TRHDE: variants seen among roughly 807,000 people sequenced by gnomAD.
TRHDE encodes thyrotropin releasing hormone degrading enzyme.
A neutral mutation model predicts 125.7 loss-of-function variants in TRHDE; 72 were observed. The ratio of observed to expected loss-of-function variants is 0.57; its 90% CI spans 0.47 to 0.70. The LOEUF is 0.70. Among genes scored for constraint, TRHDE ranks in the 30% least tolerant of loss-of-function variants. The probability of loss-of-function intolerance (pLI) is 0.00; values close to 1 mark genes in which losing one functional copy is unlikely to be tolerated. For synonymous variants in TRHDE, 509 were observed against 509.1 expected (o/e 1.00, Z 0.00); for missense variants, 1,110 against 1,327.1 (o/e 0.84, Z 2.54).
chr12:72,240,305 T>TTATATATATATATATATA (rs56969276), intron 2 of TRHDE, among the ~76,000 whole-genome samples: 5 of 111,348 alleles, frequency 4.5e-5, no homozygotes, highest in Admixed American at 9.3e-5. Flanking sequence ...TTCTCACATT[T>TTATATATATATATATATA]TATATATATA....
At chr12:72,640,151 G>T (rs1370808077) in intron 15 of TRHDE, among the ~76,000 whole-genome samples, 4 of 152,218 alleles carry the variant, frequency 2.6e-5, no homozygotes, top group African/African-American at 4.8e-5. Flanking sequence ...CTAGCAATCA[G>T]CGAGACTCCG....
intron 2 of TRHDE, among the ~76,000 whole-genome samples, chr12:72,237,143 TA>T (rs1267536780): frequency 6.6e-6 from 1 of 152,112 alleles, no homozygotes; most frequent in East Asian, 1.9e-4. Flanking sequence ...AAGAAGGAAA[TA>T]AATCAGCTTG....
intron 2 of TRHDE, among the ~76,000 whole-genome samples, chr12:72,204,859 GT>G (rs1213419935): frequency 2.6e-5 from 4 of 152,034 alleles, no homozygotes; most frequent in Non-Finnish European, 5.9e-5. Context: ...TTTGTCCTAT[GT>G]CAGGCCATGA....
chr12:72,166,976 T>C (rs962962529), intron 2 of TRHDE, among the ~76,000 whole-genome samples: 1 of 150,062 alleles, frequency 6.7e-6, no homozygotes, highest in Non-Finnish European at 1.5e-5. Flanking sequence ...CAATAGCTAA[T>C]GGCTAAGGGT....
intron 1 of TRHDE, among the ~76,000 whole-genome samples, chr12:72,095,098 C>T (rs908477623): frequency 4.6e-5 from 7 of 152,178 alleles, no homozygotes; most frequent in African/African-American, 1.4e-4. Context: ...ATGTTTTTGT[C>T]ACCAGTTCTG....
chr12:72,203,397 G>A (rs546020105), intron 2 of TRHDE, among the ~76,000 whole-genome samples: 25 of 152,332 alleles, frequency 1.6e-4, no homozygotes, highest in Non-Finnish European at 3.1e-4. Flanking sequence ...GAGCCCAGGA[G>A]GCGGAGCTTG....
At chr12:72,120,644 A>G (rs1270921259) in intron 2 of TRHDE, among the ~76,000 whole-genome samples, 1 of 150,602 alleles carries the variant, frequency 6.6e-6, no homozygotes, top group Non-Finnish European at 1.5e-5. Flanking sequence ...TAAGAATTCT[A>G]CAATTTAACT....
intron 2 of TRHDE, among the ~76,000 whole-genome samples, chr12:72,117,302 C>T (rs953628676): frequency 6.6e-6 from 1 of 151,984 alleles, no homozygotes; most frequent in African/African-American, 2.4e-5. Context: ...TATCAATATC[C>T]AGTTTTCCCA....
chr12:72,142,333 AT>A (rs1876130541), intron 2 of TRHDE, among the ~76,000 whole-genome samples: 1 of 152,086 alleles, frequency 6.6e-6, no homozygotes, highest in South Asian at 2.1e-4. Flanking sequence ...AGTCTTTTTA[AT>A]AAACCTCCAC....
chr12:72,467,247 C>T (rs531970598), intron 3 of TRHDE, among the ~76,000 whole-genome samples: 2 of 151,738 alleles, frequency 1.3e-5, no homozygotes, highest in South Asian at 4.2e-4. Flanking sequence ...CCCCACCCCA[C>T]AACAGGCCCT....
intron 9 of TRHDE, among the ~76,000 whole-genome samples, 180 bp downstream of exon 9, chr12:72,563,220 C>A (rs1565791466): frequency 6.6e-6 from 1 of 152,026 alleles, no homozygotes; most frequent in Admixed American, 6.5e-5. Flanking sequence ...GATATCTGAA[C>A]CTTCAAGCTG....
chr12:72,108,878 A>G (rs906868514), intron 2 of TRHDE, among the ~76,000 whole-genome samples: 20 of 152,108 alleles, frequency 1.3e-4, no homozygotes, highest in Admixed American at 1.1e-3. Flanking sequence ...AGAAAATCAC[A>G]GCTTTGTGTA....
intron 3 of TRHDE, among the ~76,000 whole-genome samples, chr12:72,427,649 G>T (rs976719967): frequency 2.0e-5 from 3 of 152,120 alleles, no homozygotes; most frequent in East Asian, 3.9e-4. Flanking sequence ...AAGTTATTGA[G>T]AATGCAAAAC....
At chr12:72,184,887 G>A (rs1313227364) in intron 2 of TRHDE, among the ~76,000 whole-genome samples, 3 of 152,198 alleles carry the variant, frequency 2.0e-5, no homozygotes, top group Non-Finnish European at 4.4e-5. Context: ...GCAGTCCTCA[G>A]AGCCCTCGCT....
chr12:72,279,642 G>T (rs1415797072), intron 1 of TRHDE, among the ~76,000 whole-genome samples: 3 of 152,134 alleles, frequency 2.0e-5, no homozygotes, highest in African/African-American at 7.2e-5. Context: ...GCACAAACAG[G>T]CACAGCTGTA....
chr12:72,155,145 G>C (rs1329418100), intron 2 of TRHDE, among the ~76,000 whole-genome samples: 1 of 151,792 alleles, frequency 6.6e-6, no homozygotes, highest in Non-Finnish European at 1.5e-5. Context: ...TCATTCATTT[G>C]ATCTTCCATC....
At chr12:72,661,503 A>C (rs1375414151) in intron 18 of TRHDE, among the ~76,000 whole-genome samples, 1 of 152,226 alleles carries the variant, frequency 6.6e-6, no homozygotes, top group Non-Finnish European at 1.5e-5. Context: ...TAATAAATTA[A>C]AACAAAATTC....
Position 72,660,197 on chromosome 12 carries a change from C to T in TRHDE, c.3067-2855C>T, listed in dbSNP as rs570343025. Among the ~76,000 whole-genome samples, 4 of 152,312 alleles carry T rather than the reference C, an allele frequency of 2.6e-5. No individual in the cohort carries two copies. In the South Asian group the frequency reaches 8.3e-4, roughly 32 times the overall value. ...ACGCACTTATAAGAAAGATCAAAGA[C>T]TTCAAGACTTTCACTATTTCTTCTA... On this transcript the variant is annotated intron_variant, in intron 18 of 18. Transcript: ENST00000261180.
At chr12:72,388,088 C>T (rs962927496) in intron 3 of TRHDE, among the ~76,000 whole-genome samples, 6 of 152,064 alleles carry the variant, frequency 3.9e-5, no homozygotes, top group South Asian at 4.2e-4. Context: ...TTCAGCTGCA[C>T]TGCATTCCTC....
Sources: gnomAD v4.1 joint callset for allele counts (sites outside exome capture counted in the v4.1 genomes callset) on GRCh38, gnomAD v4.1.1 for gene constraint, MANE v1.5 for transcripts, NCBI Gene and HGNC (gene_info 2026-07-23, HGNC 2026-07-21) for gene names.